DIP2C: variants seen among roughly 807,000 people sequenced by gnomAD.
DIP2C encodes DIP2 acetate--CoA ligase C (putative).
DIP2C carries 33 observed loss-of-function variants against 192.4 expected under a neutral mutation model. The observed-to-expected ratio is 0.17, with a 90% CI of 0.13 to 0.23. The LOEUF (loss-of-function observed/expected upper bound fraction) is 0.23. DIP2C is among the 10% of genes least tolerant of loss of function. The pLI is 1.00. For missense variants in DIP2C, 1,537 were observed against 2,110.1 expected, an observed-to-expected ratio of 0.73 and a Z score of 5.32; for synonymous variants, 979 against 864.1, an observed-to-expected ratio of 1.13 and a Z score of -2.33.
At chr10:416,883 C>A (rs557905186) in intron 6 of DIP2C, among the ~76,000 whole-genome samples, 2 of 152,286 alleles carry the variant, frequency 1.3e-5, no homozygotes, top group African/African-American at 4.8e-5. Context: ...ATTCCCCTCA[C>A]CTGAGGCAGA....
At chr10:586,058 G>A (rs1170211360) in intron 1 of DIP2C, among the ~76,000 whole-genome samples, 1 of 152,144 alleles carries the variant, frequency 6.6e-6, no homozygotes, top group Non-Finnish European at 1.5e-5. Context: ...TCAACTCTAA[G>A]GGCAGGTGGA....
At chr10:347,581 A>G (rs71492991) in intron 26 of DIP2C, among the ~76,000 whole-genome samples, 3 of 132,972 alleles carry the variant, frequency 2.3e-5, no homozygotes, top group Non-Finnish European at 3.2e-5. Context: ...ACACGCACCC[A>G]GACACATCGC....
At chr10:440,085 C>T (rs998957196) in intron 4 of DIP2C, among the ~76,000 whole-genome samples, 28 of 152,134 alleles carry the variant, frequency 1.8e-4, no homozygotes, top group African/African-American at 6.5e-4. Context: ...ACACTTTCTG[C>T]TTTACTTGGG....
At chr10:520,215 C>T (rs751454713) in intron 1 of DIP2C, among the ~76,000 whole-genome samples, 1 of 152,164 alleles carries the variant, frequency 6.6e-6, no homozygotes. Flanking sequence ...AAAGTTTCCA[C>T]ACGGGCCTTC....
At chr10:426,959 C>T (rs1966633976) in intron 4 of DIP2C, among the ~76,000 whole-genome samples, 1 of 152,154 alleles carries the variant, frequency 6.6e-6, no homozygotes, top group Non-Finnish European at 1.5e-5. Flanking sequence ...ACTTCTAAAA[C>T]TTCCAAAAAA....
intron 32 of DIP2C, among the ~76,000 whole-genome samples, chr10:309,505 G>C (rs1956480589): frequency 6.6e-6 from 1 of 151,762 alleles, no homozygotes; most frequent in African/African-American, 2.4e-5. Context: ...AGATAAAGCA[G>C]CTCTGGCCAT....
At chr10:318,535 G>A (rs1263567201) in intron 31 of DIP2C, among the ~76,000 whole-genome samples, 1 of 152,196 alleles carries the variant, frequency 6.6e-6, no homozygotes, top group African/African-American at 2.4e-5. Flanking sequence ...CCATAGGCAG[G>A]TTCCCAACGC....
chr10:317,474 G>C, intron 31 of DIP2C, among the ~76,000 whole-genome samples: 1 of 152,210 alleles, frequency 6.6e-6, no homozygotes. Context: ...TTAGTTTAGG[G>C]GCTGCCAAGC....
At chr10:665,737 G>GT (rs1857049906) in intron 1 of DIP2C, 1 of 152,214 alleles carries the variant, frequency 6.6e-6, no homozygotes, top group Non-Finnish European at 1.5e-5. Flanking sequence ...AAAGACTCAC[G>GT]TGACTCCTCC....
At chr10:492,479 G>T (rs1844516765) in intron 1 of DIP2C, among the ~76,000 whole-genome samples, 5 of 152,216 alleles carry the variant, frequency 3.3e-5, no homozygotes, top group Admixed American at 3.3e-4. Context: ...AGGTGCCAGG[G>T]TAAACATAAA....
intron 1 of DIP2C, among the ~76,000 whole-genome samples, chr10:556,967 C>T (rs185993184): frequency 8.7e-4 from 133 of 152,322 alleles, no homozygotes; most frequent in Middle Eastern, 3.4e-3. Context: ...TGCCATTTTC[C>T]TCAGCTTTAA....
intron 17 of DIP2C, among the ~76,000 whole-genome samples, chr10:370,441 C>A (rs545391725): frequency 6.6e-6 from 1 of 152,306 alleles, no homozygotes; most frequent in Admixed American, 6.5e-5. Flanking sequence ...CAGGGGACTT[C>A]TTGTCCCCTC....
intron 18 of DIP2C, among the ~76,000 whole-genome samples, chr10:369,183 G>T (rs1024164036): frequency 8.5e-5 from 13 of 152,328 alleles, no homozygotes; most frequent in African/African-American, 2.4e-4. Flanking sequence ...ACGTCCTCTG[G>T]GGGAGGGAAG....
intron 29 of DIP2C, chr10:340,617 G>A (rs1172577692): frequency 8.0e-6 from 3 of 375,368 alleles, no homozygotes; most frequent in Non-Finnish European, 1.6e-5. Context: ...CAATGAACAT[G>A]TATGTATAAT....
At position 619,517 on chromosome 10, in the gene DIP2C, G is replaced by GACCAAGCCC. The variant is rs541901973; in HGVS notation, c.85+69976_85+69977insGGGCTTGGT. Among the ~76,000 whole-genome samples, 325 of 107,062 alleles carry GACCAAGCCC rather than the reference G, an allele frequency of 3.0e-3. 3 individuals carry two copies. Among genetic ancestry groups the GACCAAGCCC allele is most frequent in the African/African-American group, 0.02 (306 of 15,414 alleles). The allele number at this position is 107,062 out of a possible 152,430, so 70.2% of individuals were successfully genotyped here. On this transcript the variant is annotated intron_variant, in intron 1 of 36. Coordinates refer to ENST00000280886, the MANE Select transcript of DIP2C (RefSeq NM_014974.3). The stretch of plus-strand genomic sequence containing the variant: ...ATCGGGAGCACAGGCTTTATGCCAG[G>GACCAAGCCC]GCCAGGACCAAGCCCGCCCGCCCGC...
At chr10:631,435 C>A (rs1374020520) in intron 1 of DIP2C, among the ~76,000 whole-genome samples, 1 of 152,224 alleles carries the variant, frequency 6.6e-6, no homozygotes, top group Non-Finnish European at 1.5e-5. Context: ...CATCCGTCCG[C>A]AGGGATGTCC....
intron 1 of DIP2C, among the ~76,000 whole-genome samples, chr10:687,962 T>C (rs1405045068): frequency 6.6e-6 from 1 of 152,150 alleles, no homozygotes; most frequent in African/African-American, 2.4e-5. Flanking sequence ...GAAGCCCCTG[T>C]CCTGAGACAG....
intron 1 of DIP2C, among the ~76,000 whole-genome samples, chr10:569,166 AAAAG>A (rs1475402889): frequency 1.3e-5 from 2 of 152,214 alleles, no homozygotes; most frequent in East Asian, 3.8e-4. Flanking sequence ...TAACAAAAGA[AAAAG>A]AATATGCAGA....
chr10:484,461 T>C (rs759957873), intron 2 of DIP2C, among the ~76,000 whole-genome samples: 17 of 152,244 alleles, frequency 1.1e-4, no homozygotes, highest in Non-Finnish European at 1.8e-4. Flanking sequence ...GTCTGTAGAA[T>C]ACCAGTGGCT....
Sources: gnomAD v4.1 joint callset for allele counts (sites outside exome capture counted in the v4.1 genomes callset) on GRCh38, gnomAD v4.1.1 for gene constraint, MANE v1.5 for transcripts, NCBI Gene and HGNC (gene_info 2026-07-23, HGNC 2026-07-21) for gene names.